The following LMBRD1 variants were observed in gnomAD, a reference collection of about 807,000 sequenced individuals.
LMBRD1 encodes LMBR1 domain containing 1.
A neutral mutation model predicts 74.8 loss-of-function variants in LMBRD1; 64 were observed. That is an observed-to-expected ratio of 0.86 (90% CI 0.70 to 1.05). The LOEUF (loss-of-function observed/expected upper bound fraction) is 1.05, where lower values mean the gene tolerates loss of function less well. LMBRD1 is among the 50% of genes least tolerant of loss of function. The pLI is 0.00. For synonymous variants in LMBRD1, 204 were observed against 216.3 expected (o/e 0.94, Z 0.50); for missense variants, 652 against 645.9 (o/e 1.01, Z -0.10).
chr6:69,707,798 G>T (rs1034837431), intron 9 of LMBRD1, among the ~76,000 whole-genome samples: 3 of 151,996 alleles, frequency 2.0e-5, no homozygotes, highest in African/African-American at 7.2e-5. Flanking sequence ...GCAAACTGAT[G>T]GAGAGCAAAA....
At chr6:69,724,188 G>A (rs1766675611) in intron 7 of LMBRD1, among the ~76,000 whole-genome samples, 2 of 151,392 alleles carry the variant, frequency 1.3e-5, no homozygotes, top group African/African-American at 2.4e-5. Flanking sequence ...TCCCAATAAA[G>A]GAAAGCCCAG....
At chr6:69,791,014 T>C (rs568700763) in intron 1 of LMBRD1, among the ~76,000 whole-genome samples, 1 of 152,244 alleles carries the variant, frequency 6.6e-6, no homozygotes, top group East Asian at 1.9e-4. Flanking sequence ...CAAAGAAAAG[T>C]CAATGCTGAA....
chr6:69,708,204 G>A (rs1766304537), intron 9 of LMBRD1, among the ~76,000 whole-genome samples: 1 of 152,104 alleles, frequency 6.6e-6, no homozygotes, highest in Admixed American at 6.6e-5. Flanking sequence ...TGTAGGCTTA[G>A]AAATGTGTTC....
chr6:69,741,829 C>G lies in LMBRD1; in HGVS notation c.522G>C (p.Trp174Cys), dbSNP rs367770845. The G allele has an allele frequency of 1.2e-6, 2 of 1,607,332 alleles. No homozygotes were observed. The highest frequency in any genetic ancestry group is 2.7e-5 in the African/African-American group (2 of 74,722). The part of the protein sequence containing the change: ...NVPNNKNSTE[W>C]EKVKSLFEEL... Reference sequence around the variant, plus strand: ...CTTCAAATAGGGACTTCACTTTTTCCCACTCTGTAGAATTTTTGTTATTGG... The same window carrying G: ...CTTCAAATAGGGACTTCACTTTTTCGCACTCTGTAGAATTTTTGTTATTGG... Residue 174 changes from tryptophan (W) to cysteine (C), a missense_variant, in exon 6 of 16, where the codon TGG becomes TGC. Around this residue, in one of 3 missense-constraint regions of LMBRD1, gnomAD observed 598 missense variants for 581.8 expected, o/e 1.03. Coordinates refer to ENST00000649934, the MANE Select transcript of LMBRD1 (RefSeq NM_018368.4).
rs750253967 is a variant in LMBRD1 at position 69,752,300 on chromosome 6, A to G, written c.364T>C (p.Tyr122His). 5 of 1,610,590 alleles carry G rather than the reference A, an allele frequency of 3.1e-6. No homozygotes were observed. The South Asian group carries it at 5.5e-5, about 18-fold the overall frequency. Residue 122 changes from tyrosine to histidine, a missense_variant, in exon 4 of 16, where the codon TAT becomes CAT. By Grantham distance (83) the Tyr-to-His change is moderately conservative (BLOSUM62 2). This residue lies in a region of LMBRD1 where 598 missense variants were observed against 581.8 expected (regional missense o/e 1.03). Coordinates refer to ENST00000649934, the MANE Select transcript of LMBRD1 (RefSeq NM_018368.4). ...VFFWIPFVYF[Y>H]YEEKDDDDTS... is the part of the protein sequence containing the mutation. ...TCATCATCATCCTTTTCTTCATAAT[A>G]GAAGTAGACAAAAGGGATCCAGAAG...
intron 9 of LMBRD1, among the ~76,000 whole-genome samples, chr6:69,704,573 G>A (rs1458103565): frequency 6.6e-6 from 1 of 152,010 alleles, no homozygotes; most frequent in Non-Finnish European, 1.5e-5. Context: ...GGCATCAGAT[G>A]TTCCAAGCTT....
chr6:69,774,263 C>T (rs971363907), intron 3 of LMBRD1, among the ~76,000 whole-genome samples: 27 of 152,190 alleles, frequency 1.8e-4, no homozygotes, highest in Non-Finnish European at 2.8e-4. Context: ...TGCTCCTCCT[C>T]GCCTTCCACC....
At chr6:69,723,026 C>T (rs1766650552) in intron 7 of LMBRD1, among the ~76,000 whole-genome samples, 1 of 152,072 alleles carries the variant, frequency 6.6e-6, no homozygotes, top group African/African-American at 2.4e-5. Context: ...ACAAAAGTAA[C>T]TATGTTTATA....
chr6:69,748,862 A>C (rs1291694166), intron 5 of LMBRD1, among the ~76,000 whole-genome samples: 1 of 152,118 alleles, frequency 6.6e-6, no homozygotes, highest in African/African-American at 2.4e-5. Flanking sequence ...ATCTGAAAAG[A>C]TGCACAGACA....
chr6:69,760,062 T>C (rs952865787), intron 3 of LMBRD1, among the ~76,000 whole-genome samples: 22 of 152,148 alleles, frequency 1.4e-4, no homozygotes, highest in Admixed American at 1.3e-3. Flanking sequence ...ATTACATTAG[T>C]ACAAACACTT....
rs1767108423 is a variant in LMBRD1, at chr6:69,741,781, ATACT to A, written c.562+4_562+7del. 1.3e-6 allele frequency: 2 copies of A among 1,508,708 alleles called. No individual in the cohort carries two copies. The highest frequency in any genetic ancestry group is 2.7e-5 in the African/African-American group (2 of 72,764). 93.5% of individuals were successfully genotyped at this position (1,508,708 alleles called of 1,614,324 possible). A position where few individuals can be genotyped will look rare whatever the true frequency, so the allele number is the denominator to read the frequency against. On this transcript the variant is annotated splice_donor_5th_base_variant and intron_variant, in intron 6 of 15. Coordinates refer to ENST00000649934, the MANE Select transcript of LMBRD1 (RefSeq NM_018368.4). ...ACTACTATGTTTTTTAAAAAAAACA[ATACT>A]TACGACTACTTCCAAGTTCTTCAAA...
At chr6:69,782,563 C>T (rs1485928099) in intron 2 of LMBRD1, among the ~76,000 whole-genome samples, 8 of 152,072 alleles carry the variant, frequency 5.3e-5, no homozygotes, top group African/African-American at 1.9e-4. Flanking sequence ...CACCTATAAT[C>T]CCAGCTTCTT....
intron 3 of LMBRD1, among the ~76,000 whole-genome samples, chr6:69,775,360 T>C (rs989804596): frequency 6.6e-5 from 10 of 152,156 alleles, no homozygotes; most frequent in African/African-American, 2.4e-4. Flanking sequence ...CCAAATTCCA[T>C]TAATATAACA....
intron 7 of LMBRD1, among the ~76,000 whole-genome samples, chr6:69,731,986 T>C (rs1212314626): frequency 6.6e-6 from 1 of 152,162 alleles, no homozygotes; most frequent in African/African-American, 2.4e-5. Flanking sequence ...ACAAAGATTA[T>C]AAATGATTAA....
At position 69,701,437 on chromosome 6, in the gene LMBRD1, A is replaced by G; in HGVS notation, c.1083+6T>C. ...TACAGTATAAAATGATTGATATTTT[A>G]CTTACTGTTTGTAGTAAAGGCAAAA... On this transcript the variant is annotated splice_donor_region_variant and intron_variant, in intron 11 of 15. Transcript: ENST00000649934. 2 of 1,491,094 alleles carry G rather than the reference A, an allele frequency of 1.3e-6. No individual in the cohort carries two copies. The highest frequency in any genetic ancestry group is 1.9e-6 in the Non-Finnish European group (2 of 1,070,186). 92.4% of individuals were successfully genotyped at this position (1,491,094 alleles called of 1,614,324 possible).
At chr6:69,741,991 T>C (rs1319824340) in intron 5 of LMBRD1, 114 bp from the exon 6 acceptor site, 2 of 645,256 alleles carry the variant, frequency 3.1e-6, no homozygotes, top group Non-Finnish European at 5.4e-6. Context: ...ATCTGTACTA[T>C]GCACAGAGGG....
intron 9 of LMBRD1, among the ~76,000 whole-genome samples, chr6:69,710,047 G>A (rs968619590): frequency 1.3e-5 from 2 of 152,048 alleles, no homozygotes; most frequent in Non-Finnish European, 2.9e-5. Context: ...AAAGGATTTG[G>A]CAAAGCCAAA....
intron 3 of LMBRD1, among the ~76,000 whole-genome samples, chr6:69,766,373 A>C (rs1765475328): frequency 6.6e-6 from 1 of 151,918 alleles, no homozygotes; most frequent in African/African-American, 2.4e-5. Context: ...TTAATCAATG[A>C]TCGATACTGG....
At chr6:69,697,443 C>T (rs997427053) in intron 14 of LMBRD1, 120 bp downstream of exon 14, 2 of 731,312 alleles carry the variant, frequency 2.7e-6, no homozygotes, top group African/African-American at 3.4e-5. Flanking sequence ...CCAACCTCTA[C>T]TTGCTAAAAG....
Sources: gnomAD v4.1 joint callset for allele counts (sites outside exome capture counted in the v4.1 genomes callset) on GRCh38, gnomAD v4.1.1 for gene constraint, gnomAD v4.1.1 regional missense constraint, MANE v1.5 for transcripts, NCBI Gene and HGNC (gene_info 2026-07-23, HGNC 2026-07-21) for gene names.